The following MKLN1 variants were observed in gnomAD, a reference collection of about 807,000 sequenced individuals.
MKLN1 encodes the protein muskelin 1, also known as muskelin.
MKLN1 carries 18 observed loss-of-function variants against 99.0 expected under a neutral mutation model. The observed-to-expected ratio is 0.18, with a 90% CI of 0.13 to 0.27. The LOEUF (loss-of-function observed/expected upper bound fraction) is 0.27. Among genes scored for constraint, MKLN1 ranks in the 10% least tolerant of loss-of-function variants. The pLI, the probability that MKLN1 is intolerant of heterozygous loss-of-function variation, is 1.00. For synonymous variants in MKLN1, 288 were observed against 293.2 expected (o/e 0.98, Z 0.18); for missense variants, 621 against 875.9 (o/e 0.71, Z 3.67).
chr7:131,300,469 C>T (rs537890757), intron 3 of MKLN1, among the ~76,000 whole-genome samples: 1 of 150,762 alleles, frequency 6.6e-6, no homozygotes, highest in East Asian at 2.0e-4. Flanking sequence ...TCACTTGAGG[C>T]CAGGAGTTCA....
At chr7:131,420,301 A>G (rs1302620090) in intron 8 of MKLN1, among the ~76,000 whole-genome samples, 4 of 152,050 alleles carry the variant, frequency 2.6e-5, no homozygotes, top group Non-Finnish European at 5.9e-5. Context: ...GGGGGAGCAC[A>G]TGGTGGCAGG....
At chr7:131,376,749 T>C (rs919370886) in intron 2 of MKLN1, among the ~76,000 whole-genome samples, 1 of 151,874 alleles carries the variant, frequency 6.6e-6, no homozygotes, top group East Asian at 1.9e-4. Context: ...AAGTGACTGC[T>C]ATCTTTTGAA....
intron 12 of MKLN1, among the ~76,000 whole-genome samples, chr7:131,457,778 TGGC>T (rs1015678016): frequency 1.3e-5 from 2 of 152,016 alleles, no homozygotes; most frequent in Non-Finnish European, 2.9e-5. Flanking sequence ...TAGCCAGGCT[TGGC>T]GGCGCATGTC....
chr7:131,382,815 A>G (rs112909113), intron 2 of MKLN1, among the ~76,000 whole-genome samples: 7,621 of 151,870 alleles, frequency 0.05, 256 homozygotes, highest in East Asian at 0.19. Flanking sequence ...GCTCCGCCCC[A>G]TAGGTTCATG....
At chr7:131,234,271 C>A (rs528377506) in intron 3 of MKLN1, among the ~76,000 whole-genome samples, 1 of 152,210 alleles carries the variant, frequency 6.6e-6, no homozygotes, top group South Asian at 2.1e-4. Flanking sequence ...TGAGACACCA[C>A]GCCCGGCCTT....
intron 2 of MKLN1, among the ~76,000 whole-genome samples, chr7:131,375,993 C>T (rs909275861): frequency 6.7e-6 from 1 of 149,552 alleles, no homozygotes; most frequent in Non-Finnish European, 1.5e-5. Flanking sequence ...ATGTATTAGG[C>T]ACACGTATGT....
At chr7:131,363,020 C>T (rs1800076012) in intron 1 of MKLN1, among the ~76,000 whole-genome samples, 1 of 151,866 alleles carries the variant, frequency 6.6e-6, no homozygotes, top group African/African-American at 2.4e-5. Context: ...TAACAATTTT[C>T]ATCTTCGTGG....
intron 3 of MKLN1, chr7:131,242,732 C>T: frequency 1.4e-6 from 1 of 690,974 alleles, no homozygotes; most frequent in Non-Finnish European, 2.7e-6. Flanking sequence ...CTGGAATTGA[C>T]CGCTGTCCCC....
chr7:131,395,455 A>T (rs897335797), intron 4 of MKLN1, among the ~76,000 whole-genome samples: 1 of 30,872 alleles, frequency 3.2e-5, no homozygotes, highest in Non-Finnish European at 8.5e-5. Flanking sequence ...AATTATTTTT[A>T]TTTTATTTTA....
chr7:131,436,267 G>A (rs1795673755), intron 9 of MKLN1, among the ~76,000 whole-genome samples: 2 of 151,830 alleles, frequency 1.3e-5, no homozygotes, highest in Non-Finnish European at 2.9e-5. Context: ...ACTCTTCTTA[G>A]AATACTGCCT....
intron 1 of MKLN1, among the ~76,000 whole-genome samples, chr7:131,115,045 T>C (rs777998592): frequency 6.6e-6 from 1 of 151,962 alleles, no homozygotes. Flanking sequence ...AAAATGGGGA[T>C]AGTAGCCAAA....
intron 1 of MKLN1, among the ~76,000 whole-genome samples, chr7:131,136,940 T>C (rs1241441125): frequency 2.0e-5 from 3 of 152,234 alleles, no homozygotes; most frequent in Non-Finnish European, 4.4e-5. Flanking sequence ...TGGTTTTCTC[T>C]TCTGGCTTTC....
At chr7:131,225,114 G>T (rs938761861) in intron 3 of MKLN1, among the ~76,000 whole-genome samples, 1 of 151,890 alleles carries the variant, frequency 6.6e-6, no homozygotes, top group Admixed American at 6.6e-5. Context: ...GGGGGACGGT[G>T]TCTTTTAGTC....
chr7:131,348,558 C>T (rs545470057), intron 1 of MKLN1, among the ~76,000 whole-genome samples: 266 of 151,430 alleles, frequency 1.8e-3, no homozygotes, highest in Middle Eastern at 3.4e-3. Flanking sequence ...CAGGGTCCCA[C>T]AAATGTAATT....
At chr7:131,268,692 G>A (rs916014870) in intron 3 of MKLN1, among the ~76,000 whole-genome samples, 1 of 152,144 alleles carries the variant, frequency 6.6e-6, no homozygotes, top group African/African-American at 2.4e-5. Context: ...ACTGAGCTCA[G>A]TCAATGGCCC....
At chr7:131,350,545 A>T (rs1458516759) in intron 1 of MKLN1, among the ~76,000 whole-genome samples, 1 of 152,194 alleles carries the variant, frequency 6.6e-6, no homozygotes, top group African/African-American at 2.4e-5. Context: ...TTGAGTGGGG[A>T]AAGATCTGCC....
At chr7:131,471,536 A>G (rs913780142) in intron 16 of MKLN1, 3 of 152,336 alleles carry the variant, frequency 2.0e-5, no homozygotes, top group African/African-American at 4.8e-5. Context: ...GATAGAAACA[A>G]CTGTTTCTGA....
intron 2 of MKLN1, among the ~76,000 whole-genome samples, chr7:131,200,731 T>C (rs1796714951): frequency 6.6e-6 from 1 of 152,222 alleles, no homozygotes; most frequent in Non-Finnish European, 1.5e-5. Context: ...CTGACCATTT[T>C]TCCTGAAAAA....
chr7:131,183,361 G>T (rs901943013), intron 2 of MKLN1, among the ~76,000 whole-genome samples: 1 of 152,048 alleles, frequency 6.6e-6, no homozygotes, highest in African/African-American at 2.4e-5. Flanking sequence ...GACGGGGGTG[G>T]GGAGCATTGG....
Sources: gnomAD v4.1 joint callset for allele counts (sites outside exome capture counted in the v4.1 genomes callset) on GRCh38, gnomAD v4.1.1 for gene constraint, MANE v1.5 for transcripts, NCBI Gene and HGNC (gene_info 2026-07-23, HGNC 2026-07-21) for gene names.